CACNA2D3: variants seen among roughly 807,000 people sequenced by gnomAD.
CACNA2D3 encodes the protein calcium voltage-gated channel auxiliary subunit alpha2delta 3, also known as voltage-dependent calcium channel subunit alpha-2/delta-3.
In CACNA2D3, 60 loss-of-function variants were observed where a neutral mutation model predicts 160.6. The ratio of observed to expected loss-of-function variants is 0.37; its 90% CI spans 0.30 to 0.46. The LOEUF is 0.46. Ranked by LOEUF, CACNA2D3 falls within the 20% of genes least tolerant of loss-of-function variation. The pLI, the probability that CACNA2D3 is intolerant of heterozygous loss-of-function variation, is 1.00. For missense variants in CACNA2D3, 1,205 were observed against 1,365.0 expected (o/e 0.88, Z 1.85); for synonymous variants, 558 against 492.9 (o/e 1.13, Z -1.75).
intron 2 of CACNA2D3, among the ~76,000 whole-genome samples, chr3:54,207,162 A>G (rs1365377336): frequency 6.6e-6 from 1 of 151,356 alleles, no homozygotes; most frequent in Non-Finnish European, 1.5e-5. Flanking sequence ...GCTCAGATAG[A>G]ATGGGCCTTC....
At chr3:54,485,465 G>C (rs1335300244) in intron 4 of CACNA2D3, among the ~76,000 whole-genome samples, 1 of 152,120 alleles carries the variant, frequency 6.6e-6, no homozygotes, top group Non-Finnish European at 1.5e-5. Context: ...TCTTGAGTGT[G>C]AGCCGTCTAG....
intron 13 of CACNA2D3, among the ~76,000 whole-genome samples, chr3:54,776,672 C>T (rs778440781): frequency 2.6e-5 from 4 of 152,218 alleles, no homozygotes; most frequent in Admixed American, 2.0e-4. Context: ...CTGTAACTTA[C>T]AGCCCGGCTG....
intron 35 of CACNA2D3, among the ~76,000 whole-genome samples, chr3:55,035,405 T>G (rs1232908245): frequency 6.6e-6 from 1 of 152,188 alleles, no homozygotes; most frequent in Non-Finnish European, 1.5e-5. Flanking sequence ...TGTGTGAGCA[T>G]GGCTATAAGT....
intron 35 of CACNA2D3, among the ~76,000 whole-genome samples, chr3:55,052,199 T>C (rs1336605311): frequency 6.6e-6 from 1 of 152,214 alleles, no homozygotes; most frequent in Non-Finnish European, 1.5e-5. Context: ...CTTGAGGTTA[T>C]TTAAAGCTGT....
chr3:54,537,229 G>T (rs1223743485), intron 5 of CACNA2D3, among the ~76,000 whole-genome samples: 1 of 152,052 alleles, frequency 6.6e-6, no homozygotes, highest in Admixed American at 6.5e-5. Context: ...CGCGATTAGG[G>T]TTAACTTTTC....
chr3:54,431,796 G>A (rs112644225), intron 4 of CACNA2D3, among the ~76,000 whole-genome samples: 19 of 152,048 alleles, frequency 1.2e-4, no homozygotes, highest in African/African-American at 4.1e-4. Flanking sequence ...TAGTAGAGAC[G>A]GGGTTTCAGC....
At chr3:54,186,781 T>C (rs7649696) in intron 2 of CACNA2D3, among the ~76,000 whole-genome samples, 127,829 of 152,104 alleles carry the variant, frequency 0.84, 54,395 homozygotes, top group East Asian at 1. Context: ...GTGAATTAAA[T>C]GGGAATGAGA....
At chr3:54,530,606 A>C (rs948864945) in intron 5 of CACNA2D3, among the ~76,000 whole-genome samples, 2 of 152,266 alleles carry the variant, frequency 1.3e-5, no homozygotes, top group African/African-American at 4.8e-5. Flanking sequence ...AGGACTCACT[A>C]TACACCAGGC....
intron 2 of CACNA2D3, among the ~76,000 whole-genome samples, chr3:54,192,970 A>G (rs1007778277): frequency 5.3e-5 from 8 of 152,230 alleles, no homozygotes; most frequent in Non-Finnish European, 1.0e-4. Context: ...AGCACAGGCT[A>G]TCCTTCAAAT....
intron 13 of CACNA2D3, among the ~76,000 whole-genome samples, chr3:54,771,648 T>TA (rs1702324330): frequency 6.6e-6 from 1 of 152,214 alleles, no homozygotes; most frequent in African/African-American, 2.4e-5. Flanking sequence ...CCAGCAAAAA[T>TA]ACATCTCTCT....
At chr3:54,435,973 A>G (rs1700053279) in intron 4 of CACNA2D3, among the ~76,000 whole-genome samples, 1 of 152,224 alleles carries the variant, frequency 6.6e-6, no homozygotes, top group Non-Finnish European at 1.5e-5. Flanking sequence ...ACTTACTAGT[A>G]GAGTGGGAAC....
At chr3:54,745,213 A>AAGAGGGGAAGC (rs1559567034) in intron 11 of CACNA2D3, among the ~76,000 whole-genome samples, 1 of 151,704 alleles carries the variant, frequency 6.6e-6, no homozygotes, top group Non-Finnish European at 1.5e-5. Context: ...CCATGGGAAG[A>AAGAGGGGAAGC]AAGAGGGAAA....
At chr3:54,812,014 A>G (rs1184107186) in intron 13 of CACNA2D3, among the ~76,000 whole-genome samples, 3 of 152,244 alleles carry the variant, frequency 2.0e-5, no homozygotes, top group East Asian at 3.9e-4. Context: ...CACAGCTGTC[A>G]TAATCACCTG....
intron 27 of CACNA2D3, among the ~76,000 whole-genome samples, chr3:54,900,375 T>TG (rs367935998): frequency 2.6e-5 from 4 of 152,154 alleles, no homozygotes; most frequent in Middle Eastern, 3.2e-3. Flanking sequence ...GCCAAAATAT[T>TG]ATATGACTGA....
chr3:54,533,017 T>C (rs1016362532), intron 5 of CACNA2D3, among the ~76,000 whole-genome samples: 2 of 152,226 alleles, frequency 1.3e-5, no homozygotes, highest in African/African-American at 4.8e-5. Context: ...CGGTATCACA[T>C]TGTGGCTTTA....
chr3:54,924,938 A>T, intron 27 of CACNA2D3: 1 of 1,612,114 alleles, frequency 6.2e-7, no homozygotes, highest in East Asian at 2.2e-5. Flanking sequence ...GCTGAAGCCC[A>T]TGGAAAGCTC....
chr3:54,735,984 TATATATATAC>T (rs1559563367), intron 11 of CACNA2D3, among the ~76,000 whole-genome samples: 3 of 123,402 alleles, frequency 2.4e-5, no homozygotes, highest in African/African-American at 6.3e-5. Flanking sequence ...CATGCATGTA[TATATATATAC>T]ATATATATAT....
chr3:54,346,689 T>A (rs1199153461), intron 3 of CACNA2D3, among the ~76,000 whole-genome samples: 1 of 152,226 alleles, frequency 6.6e-6, no homozygotes, highest in East Asian at 1.9e-4. Context: ...GATACAATAC[T>A]ATTAACTAAA....
intron 35 of CACNA2D3, among the ~76,000 whole-genome samples, chr3:55,024,792 G>C (rs1327492996): frequency 6.6e-6 from 1 of 152,162 alleles, no homozygotes; most frequent in African/African-American, 2.4e-5. Context: ...GCTGAAATGT[G>C]AATATTTCTT....
Sources: gnomAD v4.1 joint callset for allele counts (sites outside exome capture counted in the v4.1 genomes callset) on GRCh38, gnomAD v4.1.1 for gene constraint, MANE v1.5 for transcripts, NCBI Gene and HGNC (gene_info 2026-07-23, HGNC 2026-07-21) for gene names.